The following TXNDC11 variants were observed in gnomAD, a reference collection of about 807,000 sequenced individuals.
TXNDC11 encodes thioredoxin domain containing 11.
A neutral mutation model predicts 78.0 loss-of-function variants in TXNDC11; 68 were observed. The observed-to-expected ratio is 0.87, with a 90% CI of 0.72 to 1.07. The LOEUF is 1.07. Ranked by LOEUF, TXNDC11 falls within the 50% of genes least tolerant of loss-of-function variation. TXNDC11 has a pLI of 0.00. For missense variants in TXNDC11, 1,389 were observed against 1,221.8 expected (o/e 1.14, Z -2.04); for synonymous variants, 571 against 495.2 (o/e 1.15, Z -2.03).
chr16:11,731,335 T>C (rs1034106734), intron 3 of TXNDC11, among the ~76,000 whole-genome samples: 3 of 152,236 alleles, frequency 2.0e-5, no homozygotes, highest in Non-Finnish European at 4.4e-5. Flanking sequence ...AGGTCTGAAG[T>C]CAGTGACCTG....
rs1309818580 is a variant in TXNDC11, at chr16:11,730,780, AC to A, written c.570-7del. On this transcript the variant is annotated splice_region_variant and splice_polypyrimidine_tract_variant and intron_variant, in intron 3 of 11. Transcript: ENST00000283033. ...TGTATTCGATTGGTCCAAAACTAGT[AC>A]CAAAAAATAAAAATAAAAATAAAAA... 1.9e-6 allele frequency: 3 copies of A among 1,541,176 alleles called. No individual in the cohort carries two copies. In the South Asian group the frequency reaches 4.0e-5, roughly 21 times the overall value.
rs1394960080 is a variant in TXNDC11 at position 11,692,065 on chromosome 16, C to CA, written c.1124dup (p.Leu375PhefsTer69). On this transcript the variant is annotated frameshift_variant, in exon 8 of 12. Transcript: ENST00000283033. LOFTEE classifies it high-confidence loss of function. ...GGTCCCCATGACAGTTGTTGTACTCCAAGGCCACTTCGGTGATCTGAAATA... is the reference window on the plus strand; with the variant it reads ...GGTCCCCATGACAGTTGTTGTACTCCAAAGGCCACTTCGGTGATCTGAAATA... 2 of 1,525,916 alleles carry CA rather than the reference C, an allele frequency of 1.3e-6. No homozygotes were observed. Among genetic ancestry groups the CA allele is most frequent in the Non-Finnish European group, 1.8e-6 (2 of 1,137,990 alleles). 94.5% of individuals were successfully genotyped at this position (1,525,916 alleles called of 1,614,324 possible).
intron 11 of TXNDC11, 118 bp downstream of exon 11, chr16:11,684,047 G>A: frequency 2.9e-6 from 2 of 695,950 alleles, no homozygotes; most frequent in South Asian, 3.4e-5. Flanking sequence ...CACCACGCCT[G>A]GTTCCTAAGG....
chr16:11,723,281 A>G (rs1030360041), intron 4 of TXNDC11, among the ~76,000 whole-genome samples: 7 of 141,086 alleles, frequency 5.0e-5, no homozygotes, highest in African/African-American at 2.2e-4. Context: ...AAAAAAAGAA[A>G]AAAAAAAAGA....
In TXNDC11 at chr16:11,691,277, C is replaced by T. The variant is rs572260137; in HGVS notation, c.1900+13G>A. 6.3e-7 allele frequency: 1 copy of T among 1,592,466 alleles called. No individual in the cohort carries two copies. Among genetic ancestry groups the T allele is most frequent in the South Asian group, 1.1e-5 (1 of 87,950 alleles). On this transcript the variant is annotated intron_variant, in intron 8 of 11. Transcript: ENST00000283033. ...AATGTACAATGCTTGGGGAAATAAACTGCCTGCAGTACCTAGGGTGAGCTT... is the reference window on the plus strand; with the variant it reads ...AATGTACAATGCTTGGGGAAATAAATTGCCTGCAGTACCTAGGGTGAGCTT...
intron 7 of TXNDC11, among the ~76,000 whole-genome samples, chr16:11,695,464 AG>A (rs975302729): frequency 2.6e-5 from 4 of 152,158 alleles, no homozygotes; most frequent in African/African-American, 9.7e-5. Flanking sequence ...GTAATGAAAA[AG>A]TAAAGCCACC....
chr16:11,737,272 C>T (rs1210106522), intron 1 of TXNDC11, among the ~76,000 whole-genome samples: 2 of 151,456 alleles, frequency 1.3e-5, no homozygotes, highest in Non-Finnish European at 2.9e-5. Flanking sequence ...ATGGTGAAAC[C>T]CTGTCTCTAC....
At chr16:11,690,018 A>G (rs540180349) in intron 8 of TXNDC11, 67 of 152,370 alleles carry the variant, frequency 4.4e-4, no homozygotes, top group African/African-American at 1.3e-3. Context: ...TGTCTAATGT[A>G]AGAAACAAGC....
chr16:11,694,438 C>T (rs896452144), intron 7 of TXNDC11, among the ~76,000 whole-genome samples: 5 of 151,434 alleles, frequency 3.3e-5, no homozygotes, highest in East Asian at 1.9e-4. Flanking sequence ...CATGAGCCAC[C>T]GCGCCCGACC....
At position 11,692,049 on chromosome 16, in the gene TXNDC11, G is replaced by T; in HGVS notation, c.1141C>A (p.His381Asn). ...AGACGCTCCACCACCTGGTCCCCATGACAGTTGTTGTACTCCAAGGCCACT... is the reference window on the plus strand; with the variant it reads ...AGACGCTCCACCACCTGGTCCCCATTACAGTTGTTGTACTCCAAGGCCACT... ...TEVALEYNNC[H>N]GDQVVERLLQ... Residue 381 changes from histidine to asparagine, a missense_variant, in exon 8 of 12, where the codon CAT becomes AAT. Coordinates refer to ENST00000283033, the MANE Select transcript of TXNDC11 (RefSeq NM_015914.7). 1 of 1,537,670 alleles carries T rather than the reference G, an allele frequency of 6.5e-7. No homozygotes were observed. The highest frequency in any genetic ancestry group is 8.7e-7 in the Non-Finnish European group (1 of 1,143,406).
intron 1 of TXNDC11, among the ~76,000 whole-genome samples, chr16:11,736,614 G>A (rs764593957): frequency 1.3e-5 from 2 of 152,168 alleles, no homozygotes; most frequent in East Asian, 1.9e-4. Context: ...TCAGAATTAC[G>A]GTGAGGGAGC....
intron 4 of TXNDC11, among the ~76,000 whole-genome samples, chr16:11,723,754 C>G (rs1457336949): frequency 6.6e-6 from 1 of 152,208 alleles, no homozygotes; most frequent in Non-Finnish European, 1.5e-5. Flanking sequence ...GGCAATTTTA[C>G]TTAACTCTCT....
intron 4 of TXNDC11, among the ~76,000 whole-genome samples, chr16:11,725,513 T>A (rs1202841350): frequency 6.6e-6 from 1 of 152,186 alleles, no homozygotes; most frequent in African/African-American, 2.4e-5. Context: ...CCTTAAATAT[T>A]TCTTTGAGGA....
At chr16:11,730,269 A>C (rs1015666468) in intron 4 of TXNDC11, among the ~76,000 whole-genome samples, 16 of 152,208 alleles carry the variant, frequency 1.1e-4, no homozygotes, top group African/African-American at 3.9e-4. Context: ...TACAACTGAC[A>C]AGAGAAACCA....
intron 3 of TXNDC11, among the ~76,000 whole-genome samples, chr16:11,731,687 T>TCACACACA (rs34570874): frequency 2.6e-4 from 37 of 143,864 alleles, no homozygotes; most frequent in African/African-American, 8.3e-4. Context: ...TTACAGAAAT[T>TCACACACA]CACACACACA....
chr16:11,727,662 GC>G (rs200828850), intron 4 of TXNDC11, among the ~76,000 whole-genome samples: 8 of 83,964 alleles, frequency 9.5e-5, no homozygotes, highest in Admixed American at 1.2e-4. Flanking sequence ...ATTTCCACCC[GC>G]CCCCCCCACC....
Position 11,698,149 on chromosome 16 carries a change from G to A in TXNDC11, c.1083C>T (p.Ala361=), listed in dbSNP as rs772014015. ...LFLFIPFNPL[A]ESHPLIDEIT... is the part of the protein sequence containing the mutation. ...CCTCGTCTATTAAAGGATGACTTTC[G>A]GCCAGGGGATTAAAAGGTATGAACA... Residue 361 remains alanine (A), a synonymous_variant, in exon 7 of 12, where the codon GCC becomes GCT. Transcript: ENST00000283033. The A allele has an allele frequency of 5.2e-5, 84 of 1,614,086 alleles. No individual in the cohort carries two copies. The highest frequency in any genetic ancestry group is 6.7e-5 in the Admixed American group (4 of 60,010).
At chr16:11,715,241 C>T (rs544686715) in intron 5 of TXNDC11, among the ~76,000 whole-genome samples, 1 of 151,746 alleles carries the variant, frequency 6.6e-6, no homozygotes, top group Non-Finnish European at 1.5e-5. Context: ...CAAAACAAAA[C>T]AAAAAAATAG....
chr16:11,679,469 C>T lies in TXNDC11; in HGVS notation c.2603G>A (p.Arg868His), dbSNP rs199651209. 17 of 1,613,586 alleles carry T rather than the reference C, an allele frequency of 1.1e-5. No individual in the cohort carries two copies. In the Admixed American group the frequency reaches 1.2e-4, roughly 11 times the overall value. The change falls in exon 12 of 12, where the codon CGT (arginine) becomes CAT (histidine). Residue 868 changes from arginine to histidine, a missense_variant. Physicochemically the swap from Arg to His is conservative, Grantham distance 29. Coordinates refer to ENST00000283033, the MANE Select transcript of TXNDC11 (RefSeq NM_015914.7). This position sits in a 1 kb window ranked among gnomAD's most constrained non-coding sequence, Gnocchi z 4.6. ...CTTGCGGGCCAGCTCCTGCAGCTCA[C>T]GTGTCTTCTGCTCATAGAGGGCCTG... ...QLQALYEQKT[R>H]ELQELARKLQ... is the part of the protein sequence containing the mutation.
Sources: allele counts gnomAD v4.1 joint callset (sites outside exome capture counted in the v4.1 genomes callset), GRCh38; gene constraint gnomAD v4.1.1; non-coding constraint Gnocchi (gnomAD v3.1); transcripts MANE v1.5; gene names NCBI Gene and HGNC (gene_info 2026-07-23, HGNC 2026-07-21).